STATH: variants seen among roughly 807,000 people sequenced by gnomAD.
The protein encoded by STATH is statherin.
A neutral mutation model predicts 13.3 loss-of-function variants in STATH; 11 were observed. The observed-to-expected ratio is 0.83, with a 90% CI of 0.52 to 1.37. STATH has a LOEUF of 1.37. STATH is among the 40% of genes most tolerant of loss of function. The pLI is 0.00. For missense variants in STATH, 78 were observed against 73.3 expected (o/e 1.06, Z -0.24); for synonymous variants, 25 against 23.6 (o/e 1.06, Z -0.17).
intron 4 of STATH, 139 bp downstream of exon 4, chr4:69,999,948 T>C: frequency 1.1e-6 from 1 of 938,550 alleles, no homozygotes; most frequent in Non-Finnish European, 1.6e-6. Flanking sequence ...CTATTTATGA[T>C]ACACAGGTAA....
At chr4:70,000,668 A>G in intron 4 of STATH, 195 bp from the exon 5 acceptor site, 1 of 564,616 alleles carries the variant, frequency 1.8e-6, no homozygotes, top group Non-Finnish European at 3.2e-6. Flanking sequence ...TACAAAGGTA[A>G]ACACTCAATC....
In STATH at chr4:69,996,009, C is replaced by T. The variant is rs974887740; in HGVS notation, c.-32C>T. The T allele has an allele frequency of 2.6e-5, 4 of 152,144 alleles. No homozygotes were observed. Among genetic ancestry groups the T allele is most frequent in the Admixed American group, 6.6e-5 (1 of 15,258 alleles). 9.4% of individuals were successfully genotyped at this position (152,144 alleles called of 1,614,324 possible). On this transcript the variant is annotated 5_prime_UTR_variant, in exon 1 of 6. Coordinates refer to ENST00000246895, the MANE Select transcript of STATH (RefSeq NM_003154.3). ...ACTTCAACTTCACTACTTCTGTAGT[C>T]TCATCTTGAGTAAAAGGTAATATGT...
chr4:70,001,114 G>A (rs551724846), intron 5 of STATH, 132 bp downstream of exon 5: 52 of 600,108 alleles, frequency 8.7e-5, no homozygotes, highest in African/African-American at 6.2e-4. Context: ...ATAGCTCCTT[G>A]AAATGTATTA....
intron 1 of STATH, among the ~76,000 whole-genome samples, chr4:69,996,927 C>CTTTTTTT (rs34282662): frequency 4.6e-5 from 5 of 107,588 alleles, no homozygotes; most frequent in Middle Eastern, 6.1e-3. Flanking sequence ...CAGAAATTTC[C>CTTTTTTT]TTTTTTTTTT....
At chr4:70,000,593 G>A (rs1260217705) in intron 4 of STATH, among the ~76,000 whole-genome samples, 1 of 151,742 alleles carries the variant, frequency 6.6e-6, no homozygotes, top group Admixed American at 6.6e-5. Context: ...AAACCTCTTT[G>A]GAGTGATAGC....
intron 2 of STATH, among the ~76,000 whole-genome samples, 199 bp from the exon 3 acceptor site, chr4:69,999,468 A>T (rs1724591862): frequency 6.6e-6 from 1 of 151,936 alleles, no homozygotes; most frequent in African/African-American, 2.4e-5. Flanking sequence ...ATATTTGAAT[A>T]TAGCACACTA....
intron 1 of STATH, among the ~76,000 whole-genome samples, chr4:69,996,762 A>AT (rs1724514042): frequency 6.6e-6 from 1 of 151,880 alleles, no homozygotes; most frequent in South Asian, 2.1e-4. Context: ...TTCTATGAGC[A>AT]TTTTTTGATT....
Position 69,995,981 on chromosome 4 carries a change from T to G in STATH, c.-60T>G, listed in dbSNP as rs947512434. The G allele has an allele frequency of 6.6e-6, 1 of 152,208 alleles. No individual in the cohort carries two copies. The highest frequency in any genetic ancestry group is 2.4e-5 in the African/African-American group (1 of 41,460). 9.4% of individuals were successfully genotyped at this position (152,208 alleles called of 1,614,324 possible). On this transcript the variant is annotated 5_prime_UTR_variant, in exon 1 of 6. Coordinates refer to ENST00000246895, the MANE Select transcript of STATH (RefSeq NM_003154.3). ...AGGGTAGCACATCATCTCTTGAAGC[T>G]TCACTTCAACTTCACTACTTCTGTA...
chr4:69,998,516 A>G (rs769188971), intron 2 of STATH, 28 bp downstream of exon 2: 20 of 1,596,468 alleles, frequency 1.3e-5, no homozygotes, highest in Non-Finnish European at 1.5e-5. Flanking sequence ...TTTGAAGAAT[A>G]TGTTCTCAGT....
intron 2 of STATH, 137 bp downstream of exon 2, chr4:69,998,625 T>A: frequency 1.6e-6 from 1 of 610,280 alleles, no homozygotes; most frequent in Non-Finnish European, 2.7e-6. Context: ...ATGAACTTTT[T>A]TTTGTACTAA....
intron 2 of STATH, 71 bp from the exon 3 acceptor site, chr4:69,999,596 T>C (rs1461567782): frequency 4.7e-6 from 7 of 1,498,276 alleles, no homozygotes; most frequent in African/African-American, 1.4e-5. Context: ...AGCTGCTGAG[T>C]TCATTTTTGT....
At chr4:69,999,911 A>T (rs1724609833) in intron 4 of STATH, 102 bp downstream of exon 4, 7 of 1,316,524 alleles carry the variant, frequency 5.3e-6, no homozygotes, top group African/African-American at 1.5e-5. Context: ...TATGTGTAGT[A>T]GTTGCAAAAG....
intron 2 of STATH, 107 bp from the exon 3 acceptor site, chr4:69,999,560 C>T: frequency 9.2e-7 from 1 of 1,081,352 alleles, no homozygotes; most frequent in Non-Finnish European, 1.4e-6. Context: ...CGATGATTTG[C>T]CTACATCCTG....
chr4:69,997,970 A>G, intron 1 of STATH, among the ~76,000 whole-genome samples: 1 of 152,084 alleles, frequency 6.6e-6, no homozygotes, highest in East Asian at 1.9e-4. Flanking sequence ...ATCCAGTTCT[A>G]TCTTCCCTAC....
intron 5 of STATH, among the ~76,000 whole-genome samples, chr4:70,001,930 A>C (rs528583488): frequency 4.6e-5 from 7 of 151,828 alleles, no homozygotes; most frequent in African/African-American, 9.7e-5. Context: ...TGTGTAGGCT[A>C]TATTTAAGTA....
intron 1 of STATH, 182 bp from the exon 2 acceptor site, chr4:69,998,241 T>C (rs1227646422): frequency 9.0e-6 from 5 of 553,594 alleles, no homozygotes; most frequent in South Asian, 4.8e-5. Context: ...ATCAATACAC[T>C]CACTTTTACT....
rs140355437 is a variant in STATH, at chr4:69,998,448, T to C, written c.11T>C (p.Leu4Pro). Residue 4 changes from leucine to proline, a missense_variant, in exon 2 of 6, where the codon CTT (leucine) becomes CCT (proline). By Grantham distance (98) the Leu-to-Pro change is moderately conservative. Transcript: ENST00000246895. The part of the protein sequence containing the change: MKF[L>P]VFAFILALMV... ...AGAACCCAGCCAACTATGAAGTTCC[T>C]TGTCTTTGCCTTCATCTTGGCTCTC... The C allele has an allele frequency of 2.1e-4, 345 of 1,612,440 alleles. No individual in the cohort carries two copies. The African/African-American group carries it at 3.9e-3, about 18-fold the overall frequency.
chr4:69,996,949 T>A (rs866160964), intron 1 of STATH, among the ~76,000 whole-genome samples: 2,653 of 99,210 alleles, frequency 0.027, 74 homozygotes, highest in African/African-American at 0.096. Context: ...TTTTTTTTTT[T>A]AATTTGAGAC....
At chr4:70,001,712 T>C (rs968237801) in intron 5 of STATH, among the ~76,000 whole-genome samples, 7 of 151,778 alleles carry the variant, frequency 4.6e-5, no homozygotes, top group African/African-American at 1.7e-4. Flanking sequence ...TAAGGGAGGA[T>C]TGTTCTACAA....
Sources: gnomAD v4.1 joint callset for allele counts (sites outside exome capture counted in the v4.1 genomes callset) on GRCh38, gnomAD v4.1.1 for gene constraint, MANE v1.5 for transcripts, NCBI Gene and HGNC (gene_info 2026-07-23, HGNC 2026-07-21) for gene names.